BRINP1: variants seen among roughly 807,000 people sequenced by gnomAD.
The protein encoded by BRINP1 is BMP/retinoic acid-inducible neural-specific protein 1.
Under a neutral mutation model 72.9 loss-of-function variants are expected in BRINP1, and 17 were observed. The ratio of observed to expected loss-of-function variants is 0.23; its 90% confidence interval spans 0.16 to 0.35. BRINP1 has a LOEUF of 0.35. Ranked by LOEUF, BRINP1 falls within the 10% of genes least tolerant of loss-of-function variation. BRINP1 has a pLI of 1.00. For missense variants in BRINP1, 850 were observed against 1,001.6 expected (o/e 0.85, Z 2.04); for synonymous variants, 418 against 378.5 (o/e 1.10, Z -1.21).
intron 7 of BRINP1, among the ~76,000 whole-genome samples, chr9:119,186,982 C>A (rs752054356): frequency 5.3e-5 from 8 of 152,040 alleles, no homozygotes; most frequent in Non-Finnish European, 1.0e-4. Context: ...TTGTATCCTG[C>A]TCCCCAGAAC....
At chr9:119,196,439 A>G (rs548543849) in intron 7 of BRINP1, among the ~76,000 whole-genome samples, 1 of 152,310 alleles carries the variant, frequency 6.6e-6, no homozygotes, top group East Asian at 1.9e-4. Flanking sequence ...TCTAATAGCT[A>G]TCAGAGAACA....
intron 7 of BRINP1, among the ~76,000 whole-genome samples, chr9:119,175,594 G>C (rs1829478868): frequency 6.6e-6 from 1 of 152,042 alleles, no homozygotes; most frequent in African/African-American, 2.4e-5. Context: ...TTCTATTGCA[G>C]CCTCTGGGCC....
At chr9:119,169,908 G>A (rs1288314086) in intron 7 of BRINP1, among the ~76,000 whole-genome samples, 1 of 152,132 alleles carries the variant, frequency 6.6e-6, no homozygotes, top group African/African-American at 2.4e-5. Context: ...CAACAGACTT[G>A]CAGCTGAGGG....
At chr9:119,248,885 A>T in intron 3 of BRINP1, 75 bp downstream of exon 3, 1 of 1,316,398 alleles carries the variant, frequency 7.6e-7, no homozygotes. Context: ...CTTTGCTGTT[A>T]AGACATCCCA....
At chr9:119,280,979 C>T (rs1362667343) in intron 2 of BRINP1, among the ~76,000 whole-genome samples, 1 of 152,074 alleles carries the variant, frequency 6.6e-6, no homozygotes, top group Non-Finnish European at 1.5e-5. Flanking sequence ...TTTGATTTTG[C>T]CCAATGTGCC....
At chr9:119,249,737 C>T (rs961737511) in intron 2 of BRINP1, among the ~76,000 whole-genome samples, 1 of 151,224 alleles carries the variant, frequency 6.6e-6, no homozygotes. Context: ...CTAACCCAGC[C>T]CTGTATATAG....
In BRINP1 at chr9:119,242,088, T is replaced by C. The variant is rs1830256439; in HGVS notation, c.538A>G (p.Arg180Gly). ...SYFVDRDGTMRRLHEIQISTG... is the reference protein window; with the variant it reads ...SYFVDRDGTMGRLHEIQISTG... Reference sequence around the variant, plus strand: ...GATATCTGGATCTCATGAAGCCTCCTCATGGTACCATCACGGTCAACAAAG... The same window carrying C: ...GATATCTGGATCTCATGAAGCCTCCCCATGGTACCATCACGGTCAACAAAG... The change falls in exon 4 of 8, where the codon AGG (arginine) becomes GGG (glycine). Residue 180 changes from arginine (R) to glycine (G), a missense_variant. By Grantham distance (125) the Arg-to-Gly change is moderately radical. Transcript: ENST00000265922. The C allele has an allele frequency of 6.2e-7, 1 of 1,614,122 alleles. No homozygotes were observed. Among genetic ancestry groups the C allele is most frequent in the South Asian group, 1.1e-5 (1 of 91,066 alleles).
chr9:119,195,119 T>C (rs1588160605), intron 7 of BRINP1, among the ~76,000 whole-genome samples: 1 of 152,184 alleles, frequency 6.6e-6, no homozygotes. Flanking sequence ...AAATCATGGA[T>C]GCCAAACCAA....
intron 5 of BRINP1, among the ~76,000 whole-genome samples, chr9:119,226,234 A>G (rs1417017166): frequency 6.6e-6 from 1 of 151,986 alleles, no homozygotes; most frequent in Non-Finnish European, 1.5e-5. Flanking sequence ...ATAAACAGGC[A>G]CCATATCTCC....
chr9:119,225,963 G>C (rs1830087446), intron 5 of BRINP1, among the ~76,000 whole-genome samples: 1 of 151,994 alleles, frequency 6.6e-6, no homozygotes, highest in African/African-American at 2.4e-5. Context: ...AACATTTATT[G>C]AGCATCTACT....
intron 5 of BRINP1, among the ~76,000 whole-genome samples, chr9:119,230,954 C>T (rs1051490339): frequency 1.3e-5 from 2 of 151,952 alleles, no homozygotes; most frequent in African/African-American, 4.8e-5. Flanking sequence ...TTCATCCTTA[C>T]CTTTTGGAAA....
chr9:119,174,066 C>T (rs1482521519), intron 7 of BRINP1, among the ~76,000 whole-genome samples: 1 of 137,744 alleles, frequency 7.3e-6, no homozygotes, highest in Non-Finnish European at 1.5e-5. Flanking sequence ...GCAAGGACTT[C>T]ATGTCTAAAA....
chr9:119,352,227 G>A (rs1831514154), intron 1 of BRINP1, among the ~76,000 whole-genome samples: 1 of 152,174 alleles, frequency 6.6e-6, no homozygotes, highest in Admixed American at 6.5e-5. Flanking sequence ...CCTTTGGTCA[G>A]TATGATTAAC....
chr9:119,241,290 G>A (rs912603401), intron 4 of BRINP1, among the ~76,000 whole-genome samples: 6 of 152,262 alleles, frequency 3.9e-5, no homozygotes, highest in East Asian at 3.9e-4. Context: ...ACTACTGGAC[G>A]GTGCTGGTGT....
At chr9:119,199,690 G>C (rs1023995876) in intron 7 of BRINP1, among the ~76,000 whole-genome samples, 2 of 152,002 alleles carry the variant, frequency 1.3e-5, no homozygotes, top group African/African-American at 4.8e-5. Flanking sequence ...CCAGGTGATA[G>C]CCAGATATAA....
At chr9:119,279,155 A>G (rs1169577689) in intron 2 of BRINP1, among the ~76,000 whole-genome samples, 1 of 152,224 alleles carries the variant, frequency 6.6e-6, no homozygotes, top group Admixed American at 6.5e-5. Context: ...AAATAAAATA[A>G]CATGAACTCA....
At chr9:119,190,401 C>A (rs1829671242) in intron 7 of BRINP1, among the ~76,000 whole-genome samples, 1 of 146,834 alleles carries the variant, frequency 6.8e-6, no homozygotes, top group African/African-American at 2.5e-5. Context: ...TCAACAAACC[C>A]CTAGCTAGAC....
rs116224159 is a variant in BRINP1 at position 119,232,377 on chromosome 9, G to A, written c.685+6278C>T. On this transcript the variant is annotated intron_variant, in intron 5 of 7. Coordinates refer to ENST00000265922, the MANE Select transcript of BRINP1 (RefSeq NM_014618.3). ...CTACAGTCTTTCTTACTTAATAGCT[G>A]TAGTTATCTATTTAAAATCTAAGTC... Among the ~76,000 whole-genome samples the A allele has an allele frequency of 1.3e-3, 198 of 152,268 alleles. 1 individual carries two copies. The highest frequency in any genetic ancestry group is 4.3e-3 in the African/African-American group (178 of 41,546).
chr9:119,359,212 G>T (rs1217492429), intron 1 of BRINP1, among the ~76,000 whole-genome samples: 3 of 152,052 alleles, frequency 2.0e-5, no homozygotes, highest in African/African-American at 4.8e-5. Flanking sequence ...TGTTATTTTT[G>T]AGATAGAATC....
Sources: gnomAD v4.1 joint callset for allele counts (sites outside exome capture counted in the v4.1 genomes callset) on GRCh38, gnomAD v4.1.1 for gene constraint, MANE v1.5 for transcripts, NCBI Gene and HGNC (gene_info 2026-07-23, HGNC 2026-07-21) for gene names.